The following IMPACT variants were observed in gnomAD, a reference collection of about 807,000 sequenced individuals.
IMPACT encodes the protein impact RWD domain protein.
In IMPACT, 35 loss-of-function variants were observed where a neutral mutation model predicts 47.5. The observed-to-expected ratio is 0.74, with a 90% CI of 0.56 to 0.98. IMPACT has a LOEUF of 0.98. Ranked by LOEUF, IMPACT falls within the 50% of genes least tolerant of loss-of-function variation. The probability of loss-of-function intolerance (pLI) is 0.00; values close to 1 mark genes in which losing one functional copy is unlikely to be tolerated. For synonymous variants in IMPACT, 118 were observed against 125.6 expected, an observed-to-expected ratio of 0.94 and a Z score of 0.40; for missense variants, 373 against 394.8, an observed-to-expected ratio of 0.94 and a Z score of 0.47.
chr18:24,447,887 A>G (rs756792211), intron 8 of IMPACT, among the ~76,000 whole-genome samples: 8 of 152,172 alleles, frequency 5.3e-5, no homozygotes, highest in Admixed American at 1.3e-4. Context: ...TTTGATTCCT[A>G]GCTTTCCCAA....
intron 7 of IMPACT, among the ~76,000 whole-genome samples, chr18:24,444,808 C>T (rs1403142835): frequency 6.6e-6 from 1 of 152,186 alleles, no homozygotes; most frequent in African/African-American, 2.4e-5. Context: ...TCAAATTTAA[C>T]TGGATGTCCT....
intron 7 of IMPACT, among the ~76,000 whole-genome samples, chr18:24,444,064 A>G (rs565195858): frequency 2.0e-5 from 3 of 152,258 alleles, no homozygotes; most frequent in African/African-American, 7.2e-5. Context: ...CACTCTCTGA[A>G]AGAGGAAGTT....
intron 8 of IMPACT, among the ~76,000 whole-genome samples, chr18:24,446,655 G>A (rs1180720441): frequency 6.6e-6 from 1 of 152,202 alleles, no homozygotes; most frequent in Non-Finnish European, 1.5e-5. Flanking sequence ...TTGAGTAGGT[G>A]AGTTCTTAAT....
intron 3 of IMPACT, chr18:24,429,664 A>T (rs1908701410): frequency 1.3e-5 from 2 of 152,080 alleles, no homozygotes; most frequent in Admixed American, 1.3e-4. Context: ...TTTTGTGCAC[A>T]TATTTTAAAA....
chr18:24,428,710 C>T, intron 2 of IMPACT, among the ~76,000 whole-genome samples, 159 bp from the exon 3 acceptor site: 1 of 152,216 alleles, frequency 6.6e-6, no homozygotes, highest in East Asian at 1.9e-4. Context: ...AATGCCACTT[C>T]ATCCACTTGG....
At chr18:24,431,223 A>G (rs1328789841) in intron 4 of IMPACT, among the ~76,000 whole-genome samples, 3 of 152,184 alleles carry the variant, frequency 2.0e-5, no homozygotes, top group Non-Finnish European at 4.4e-5. Flanking sequence ...CTCGGAGGTG[A>G]GGGATGGCTT....
At chr18:24,441,054 T>A (rs1351861406) in intron 6 of IMPACT, among the ~76,000 whole-genome samples, 1 of 152,144 alleles carries the variant, frequency 6.6e-6, no homozygotes, top group Non-Finnish European at 1.5e-5. Context: ...CTTTAAGAGG[T>A]TTTTTTTGAG....
At chr18:24,440,376 C>A in intron 5 of IMPACT, 120 bp from the exon 6 acceptor site, 1 of 973,746 alleles carries the variant, frequency 1.0e-6, no homozygotes, top group Non-Finnish European at 1.5e-6. Flanking sequence ...CTCCTACGGG[C>A]TGAGTGCTGG....
At chr18:24,428,799 A>G (rs1908676564) in intron 2 of IMPACT, 70 bp from the exon 3 acceptor site, 3 of 1,236,112 alleles carry the variant, frequency 2.4e-6, no homozygotes, top group African/African-American at 3.1e-5. Flanking sequence ...TCCAGTTGCT[A>G]GCTTTATAAA....
chr18:24,438,836 C>G (rs1242574217), intron 5 of IMPACT, among the ~76,000 whole-genome samples: 1 of 151,990 alleles, frequency 6.6e-6, no homozygotes, highest in East Asian at 1.9e-4. Context: ...CCAAATGTCT[C>G]CACTGTAAAT....
rs202008634 is a variant in IMPACT at position 24,443,106 on chromosome 18, G to A, written c.548G>A (p.Arg183Lys). The change falls in exon 7 of 11, where the codon AGA becomes AAA. Residue 183 changes from arginine (R) to lysine (K), a missense_variant. By Grantham distance (26) the Arg-to-Lys change is conservative. Coordinates refer to ENST00000284202, the MANE Select transcript of IMPACT (RefSeq NM_018439.4). ...IDHGIPITDR[R>K]STFQAHLAPV... ...CATGGCATTCCTATTACAGACCGAA[G>A]AAGTACTTTTCAGGCACACTTGGCT... 24 of 1,608,576 alleles carry A rather than the reference G, an allele frequency of 1.5e-5. No homozygotes were observed. The Admixed American group carries it at 2.7e-4, about 18-fold the overall frequency.
At chr18:24,434,441 G>T (rs1267819624) in intron 4 of IMPACT, among the ~76,000 whole-genome samples, 9 of 152,056 alleles carry the variant, frequency 5.9e-5, no homozygotes, top group Admixed American at 2.0e-4. Flanking sequence ...AAGGCAAAAA[G>T]AATATGAATG....
intron 6 of IMPACT, among the ~76,000 whole-genome samples, 178 bp downstream of exon 6, chr18:24,440,796 T>C (rs913572458): frequency 6.6e-6 from 1 of 152,226 alleles, no homozygotes; most frequent in Non-Finnish European, 1.5e-5. Context: ...CCAAGTCTTA[T>C]CAGAATGGCA....
At chr18:24,434,896 GTA>G (rs781386408) in intron 4 of IMPACT, among the ~76,000 whole-genome samples, 1 of 74,046 alleles carries the variant, frequency 1.4e-5, no homozygotes, top group Non-Finnish European at 2.8e-5. Context: ...ATATATATGT[GTA>G]TATATATGTG....
At chr18:24,438,633 CTTTTAAAATTTTTTCTA>C (rs1909009744) in intron 5 of IMPACT, among the ~76,000 whole-genome samples, 1 of 152,068 alleles carries the variant, frequency 6.6e-6, no homozygotes, top group Non-Finnish European at 1.5e-5. Flanking sequence ...CTCCCAGCTA[CTTTTAAAATTTTTTCTA>C]CAGACGAGGT....
rs371778306 is a variant in IMPACT at position 24,448,085 on chromosome 18, A to G, written c.669-8A>G. 5 of 1,563,226 alleles carry G rather than the reference A, an allele frequency of 3.2e-6. No individual in the cohort carries two copies. The Admixed American group carries it at 5.0e-5, about 16-fold the overall frequency. ...TTCAAAGTGTAATACTCTTACATGT[A>G]TTTGCAGAATATATTGTGAGGATAA... On this transcript the variant is annotated splice_polypyrimidine_tract_variant and splice_region_variant and intron_variant, in intron 8 of 10. Coordinates refer to ENST00000284202, the MANE Select transcript of IMPACT (RefSeq NM_018439.4).
At chr18:24,443,809 G>T (rs1051110877) in intron 7 of IMPACT, among the ~76,000 whole-genome samples, 1 of 152,134 alleles carries the variant, frequency 6.6e-6, no homozygotes, top group Non-Finnish European at 1.5e-5. Context: ...CTAGGTCTTT[G>T]CCTTTCTCAT....
At chr18:24,430,845 A>G (rs1221966656) in intron 4 of IMPACT, among the ~76,000 whole-genome samples, 2 of 152,240 alleles carry the variant, frequency 1.3e-5, no homozygotes, top group Non-Finnish European at 1.5e-5. Context: ...TTGATTTGGT[A>G]TTTTCATAGG....
intron 8 of IMPACT, 60 bp downstream of exon 8, chr18:24,445,526 C>A: frequency 1.1e-6 from 1 of 944,850 alleles, no homozygotes; most frequent in South Asian, 1.8e-5. Context: ...GGAAATGATG[C>A]ATGATTTTAG....
Sources: allele counts gnomAD v4.1 joint callset (sites outside exome capture counted in the v4.1 genomes callset), GRCh38; gene constraint gnomAD v4.1.1; transcripts MANE v1.5; gene names NCBI Gene and HGNC (gene_info 2026-07-23, HGNC 2026-07-21).